GPR107: variants seen among roughly 807,000 people sequenced by gnomAD.
GPR107 encodes protein GPR107.
In GPR107, 31 loss-of-function variants were observed where a neutral mutation model predicts 75.5. The ratio of observed to expected loss-of-function variants is 0.41; its 90% confidence interval spans 0.31 to 0.55. GPR107 has a LOEUF of 0.55. Among genes scored for constraint, GPR107 ranks in the 20% least tolerant of loss-of-function variants. The probability of loss-of-function intolerance (pLI) is 0.26; values close to 1 mark genes in which losing one functional copy is unlikely to be tolerated. For missense variants in GPR107, 572 were observed against 665.7 expected (o/e 0.86, Z 1.55); for synonymous variants, 267 against 251.3 (o/e 1.06, Z -0.59).
chr9:130,101,184 T>C lies in GPR107; in HGVS notation c.1092T>C (p.Asp364=). The C allele has an allele frequency of 1.2e-6, 2 of 1,600,324 alleles. No homozygotes were observed. Among genetic ancestry groups the C allele is most frequent in the South Asian group, 2.2e-5 (2 of 90,806 alleles). The change falls in exon 12 of 18, where the codon GAT becomes GAC. Residue 364 remains aspartate (D), a synonymous_variant. Transcript: ENST00000347136. ...CTTTCATTAAGCACATCCTTTCTGATAAAGACAAAAAGATCTTCATGATTG... is the reference window on the plus strand; with the variant it reads ...CTTTCATTAAGCACATCCTTTCTGACAAAGACAAAAAGATCTTCATGATTG... ...GWAFIKHILS[D]KDKKIFMIVI...
At chr9:130,072,967 G>C (rs1263905740) in intron 1 of GPR107, among the ~76,000 whole-genome samples, 1 of 152,124 alleles carries the variant, frequency 6.6e-6, no homozygotes, top group Non-Finnish European at 1.5e-5. Flanking sequence ...CGCATTTCCA[G>C]AACGTAGACA....
At position 130,125,090 on chromosome 9, in the gene GPR107, CTTTTTTTTTT is replaced by C. The variant is rs11461385; in HGVS notation, c.1356+140_1356+149del. On this transcript the variant is annotated intron_variant, in intron 15 of 17. Transcript: ENST00000347136. The stretch of plus-strand genomic sequence containing the variant: ...ACCTGGAGCTGAGCAGTGTGGCTTG[CTTTTTTTTTT>C]TTTTTTTTTTTTTCTGGAGACGACG... 1.6e-4 allele frequency: 26 copies of C among 158,170 alleles called. 1 individual carries two copies. Among genetic ancestry groups the C allele is most frequent in the Middle Eastern group, 2.9e-3 (1 of 346 alleles). The allele number at this position is 158,170 out of a possible 1,614,324, so 9.8% of individuals were successfully genotyped here. A position where few individuals can be genotyped will look rare whatever the true frequency, so the allele number is the denominator to read the frequency against.
intron 9 of GPR107, among the ~76,000 whole-genome samples, chr9:130,095,207 A>G (rs6478943): frequency 0.59 from 89,948 of 151,752 alleles, 26,670 homozygotes; most frequent in East Asian, 0.79. Context: ...ATTCTTAGAC[A>G]TGTTGTGTGA....
intron 1 of GPR107, among the ~76,000 whole-genome samples, chr9:130,060,402 G>GTTTTTTTTTTTTTTTTTTTTTTTTTTTT (rs11403227): frequency 2.6e-5 from 2 of 75,908 alleles, no homozygotes; most frequent in African/African-American, 6.0e-5. Context: ...GATAATCCGA[G>GTTTTTTTTTTTTTTTTTTTTTTTTTTTT]TTTTTTTTTT....
intron 1 of GPR107, among the ~76,000 whole-genome samples, chr9:130,059,995 C>T (rs1381595256): frequency 6.6e-6 from 1 of 151,952 alleles, no homozygotes; most frequent in African/African-American, 2.4e-5. Flanking sequence ...CCGCCTTGGC[C>T]TCCCAAAGTG....
rs71387311 is a variant in GPR107, at chr9:130,085,754, A to ATTTTTTTTTTTTTTTTTTTTTTTTT, written c.565-649_565-648insTTTTTTTTTTTTTTTTTTTTTTTTT. Among the ~76,000 whole-genome samples the ATTTTTTTTTTTTTTTTTTTTTTTTT allele has an allele frequency of 8.1e-3, 640 of 78,642 alleles. 151 individuals carry two copies. Among genetic ancestry groups the ATTTTTTTTTTTTTTTTTTTTTTTTT allele is most frequent in the East Asian group, 0.014 (28 of 2,028 alleles). 51.6% of individuals were successfully genotyped at this position (78,642 alleles called of 152,430 possible). On this transcript the variant is annotated intron_variant, in intron 6 of 17. Coordinates refer to ENST00000347136, the MANE Select transcript of GPR107 (RefSeq NM_020960.5). ...TTACTGTATAAATGGCAATATTTTG[A>ATTTTTTTTTTTTTTTTTTTTTTTTT]TTTTTTTTTTTTTTTTTGCCGGGGG...
chr9:130,090,804 G>T, intron 7 of GPR107, 72 bp from the exon 8 acceptor site: 2 of 587,934 alleles, frequency 3.4e-6, no homozygotes, highest in Non-Finnish European at 5.9e-6. Flanking sequence ...TACTTTAAAA[G>T]AAAAAATAAA....
chr9:130,078,057 C>G (rs189724575), intron 4 of GPR107, among the ~76,000 whole-genome samples: 1 of 151,574 alleles, frequency 6.6e-6, no homozygotes, highest in Non-Finnish European at 1.5e-5. Context: ...CCCAGCTATT[C>G]GGGAGGCTGA....
intron 1 of GPR107, among the ~76,000 whole-genome samples, chr9:130,064,185 C>CTTT (rs1045833413): frequency 0.19 from 15,175 of 81,890 alleles, 1,893 homozygotes; most frequent in African/African-American, 0.24. Flanking sequence ...AATAGCTTTT[C>CTTT]TTTTTTTTTT....
At chr9:130,083,659 G>A (rs569916719) in intron 6 of GPR107, 57 bp downstream of exon 6, 1 of 987,280 alleles carries the variant, frequency 1.0e-6, no homozygotes, top group South Asian at 2.1e-5. Flanking sequence ...GTACGTGTGT[G>A]TGTTATATGC....
intron 4 of GPR107, among the ~76,000 whole-genome samples, chr9:130,078,329 G>A (rs182430396): frequency 2.0e-3 from 305 of 152,258 alleles, no homozygotes; most frequent in Middle Eastern, 0.017. Flanking sequence ...CCCAGAAGAG[G>A]ATGGATTTGA....
chr9:130,106,169 C>A (rs2132617895), intron 13 of GPR107, among the ~76,000 whole-genome samples: 1 of 152,288 alleles, frequency 6.6e-6, no homozygotes, highest in South Asian at 2.1e-4. Context: ...GAGGTGTAAG[C>A]AGCCATTTCC....
intron 15 of GPR107, among the ~76,000 whole-genome samples, chr9:130,126,375 C>T (rs950312325): frequency 1.2e-4 from 14 of 112,712 alleles, no homozygotes; most frequent in Non-Finnish European, 1.9e-4. Flanking sequence ...GACGGAGTTT[C>T]GCTCTTGTCT....
chr9:130,060,274 G>A (rs1188429810), intron 1 of GPR107, among the ~76,000 whole-genome samples: 1 of 151,540 alleles, frequency 6.6e-6, no homozygotes, highest in East Asian at 1.9e-4. Flanking sequence ...TGTTGACCGG[G>A]CTGGTCTCAA....
intron 5 of GPR107, 90 bp downstream of exon 5, chr9:130,079,859 T>A: frequency 1.4e-6 from 1 of 725,976 alleles, no homozygotes; most frequent in Non-Finnish European, 2.1e-6. Flanking sequence ...TAAAACATGA[T>A]CTGTTGTCGT....
In GPR107 at chr9:130,099,478, C is replaced by A; in HGVS notation, c.885C>A (p.His295Gln). The A allele has an allele frequency of 6.3e-7, 1 of 1,599,602 alleles. No individual in the cohort carries two copies. The highest frequency in any genetic ancestry group is 2.2e-5 in the East Asian group (1 of 44,810). ...RKRRNDVFKI[H>Q]WLMAALPFTK... The stretch of plus-strand genomic sequence containing the variant: ...ATAGGAATGATGTATTTAAAATCCA[C>A]TGGCTGATGGCGGCCCTTCCTTTCA... The change falls in exon 10 of 18, where the codon CAC becomes CAA. Residue 295 changes from histidine (H) to glutamine (Q), a missense_variant. His to Gln is a conservative substitution (Grantham distance 24). Transcript: ENST00000347136.
chr9:130,058,017 T>C (rs573717413), intron 1 of GPR107, among the ~76,000 whole-genome samples: 56 of 152,082 alleles, frequency 3.7e-4, no homozygotes, highest in African/African-American at 1.3e-3. Flanking sequence ...TTAGTAGAGA[T>C]GGGGTTTTGC....
intron 1 of GPR107, among the ~76,000 whole-genome samples, chr9:130,059,315 C>G (rs541487516): frequency 6.6e-6 from 1 of 152,224 alleles, no homozygotes; most frequent in African/African-American, 2.4e-5. Context: ...TGGTAAAACC[C>G]TGTCTCTACT....
intron 13 of GPR107, among the ~76,000 whole-genome samples, chr9:130,105,924 T>G (rs1216900953): frequency 1.3e-5 from 2 of 152,030 alleles, no homozygotes; most frequent in Non-Finnish European, 2.9e-5. Context: ...CCTCCCAAAG[T>G]GCTGGGATTA....
Sources: allele counts gnomAD v4.1 joint callset (sites outside exome capture counted in the v4.1 genomes callset), GRCh38; gene constraint gnomAD v4.1.1; transcripts MANE v1.5; gene names NCBI Gene and HGNC (gene_info 2026-07-23, HGNC 2026-07-21).